SLCO3A1: variants seen among roughly 807,000 people sequenced by gnomAD.
SLCO3A1 encodes solute carrier organic anion transporter family member 3A1.
SLCO3A1 carries 27 observed loss-of-function variants against 63.1 expected under a neutral mutation model. That is an observed-to-expected ratio of 0.43 (90% confidence interval 0.32 to 0.59). SLCO3A1 has a LOEUF of 0.59. Among genes scored for constraint, SLCO3A1 ranks in the 20% least tolerant of loss-of-function variants. SLCO3A1 has a pLI of 0.09. For synonymous variants in SLCO3A1, 473 were observed against 409.9 expected, an observed-to-expected ratio of 1.15 and a Z score of -1.86; for missense variants, 773 against 945.8, an observed-to-expected ratio of 0.82 and a Z score of 2.40.
chr15:91,947,313 C>G (rs1899842875), intron 2 of SLCO3A1, among the ~76,000 whole-genome samples: 1 of 152,202 alleles, frequency 6.6e-6, no homozygotes, highest in African/African-American at 2.4e-5. Flanking sequence ...CTTTGAAATT[C>G]AGCTTGTGAA....
chr15:92,163,555 T>A lies in SLCO3A1; in HGVS notation c.*420T>A, dbSNP rs201988923. The A allele has an allele frequency of 2.8e-3, 1,527 of 552,428 alleles. 35 individuals are homozygous for A. In the Admixed American group the frequency reaches 0.23, roughly 82 times the overall value. 34.2% of individuals were successfully genotyped at this position (552,428 alleles called of 1,614,324 possible). On this transcript the variant is annotated 3_prime_UTR_variant, in exon 10 of 10. Coordinates refer to ENST00000318445, the MANE Select transcript of SLCO3A1 (RefSeq NM_013272.4). ...AAGAAGTTTCCTAAAATAAAAAAAATTAAAAAAAAAAAACCCACAAGTTGA... is the reference window on the plus strand; with the variant it reads ...AAGAAGTTTCCTAAAATAAAAAAAAATAAAAAAAAAAAACCCACAAGTTGA...
intron 1 of SLCO3A1, among the ~76,000 whole-genome samples, chr15:91,902,217 G>A (rs981093168): frequency 6.6e-6 from 1 of 151,952 alleles, no homozygotes; most frequent in East Asian, 1.9e-4. Flanking sequence ...TAAGAGACAA[G>A]AGTCTCACTC....
intron 2 of SLCO3A1, among the ~76,000 whole-genome samples, chr15:92,014,588 C>T (rs952772158): frequency 6.2e-4 from 95 of 152,282 alleles, no homozygotes; most frequent in African/African-American, 2.1e-3. Flanking sequence ...CTGCCCTCTC[C>T]TCCTTGTCAC....
chr15:92,018,909 A>G (rs908908362), intron 2 of SLCO3A1, among the ~76,000 whole-genome samples: 7 of 152,102 alleles, frequency 4.6e-5, no homozygotes, highest in Admixed American at 1.3e-4. Flanking sequence ...TGCCGCTACC[A>G]TCACTCCCCT....
At chr15:91,958,290 A>T (rs531865588) in intron 2 of SLCO3A1, among the ~76,000 whole-genome samples, 1 of 152,146 alleles carries the variant, frequency 6.6e-6, no homozygotes, top group East Asian at 1.9e-4. Context: ...GTTGGGGTGG[A>T]GGGTGACCCT....
Position 92,104,354 on chromosome 15 carries a change from T to C in SLCO3A1, c.821T>C (p.Leu274Ser). Reference protein sequence around the residue: ...WWGGFLLCGALLFFSSLLMFG... With the variant: ...WWGGFLLCGASLFFSSLLMFG... ...GGTGGCTTTCTGCTCTGCGGTGCCT[T>C]ACTCTTCTTCTCTTCCCTCTTGATG... is the stretch of plus-strand genomic sequence containing the variant. The change falls in exon 4 of 10, where the codon TTA (leucine) becomes TCA (serine). Residue 274 changes from leucine to serine, a missense_variant. Leu to Ser is a moderately radical substitution (Grantham distance 145). Coordinates refer to ENST00000318445, the MANE Select transcript of SLCO3A1 (RefSeq NM_013272.4). The C allele has an allele frequency of 6.2e-7, 1 of 1,614,174 alleles. No homozygotes were observed. The highest frequency in any genetic ancestry group is 1.3e-5 in the African/African-American group (1 of 75,034).
chr15:92,025,181 T>G (rs2046557065), intron 2 of SLCO3A1, among the ~76,000 whole-genome samples: 2 of 148,536 alleles, frequency 1.3e-5, no homozygotes, highest in Admixed American at 6.7e-5. Context: ...TTTTTTTTTT[T>G]GCTTTTAAAA....
chr15:92,097,640 C>G (rs1227510150), intron 3 of SLCO3A1, among the ~76,000 whole-genome samples: 5 of 152,174 alleles, frequency 3.3e-5, no homozygotes, highest in African/African-American at 4.8e-5. Context: ...ACAGGCTTCC[C>G]CACCAAGTTG....
rs117263239 is a variant in SLCO3A1, at chr15:92,057,291, G to A, written c.647-37590G>A. 1.3e-3 allele frequency among the ~76,000 whole-genome samples: 194 copies of A among 152,344 alleles called. 2 individuals are homozygous for A. In the East Asian group the frequency reaches 0.03, roughly 24 times the overall value. Reference sequence around the variant, plus strand: ...GGGCAGCCCTGCAGCCTGGCAGCCCGTCATTTCACTGAGCAAAGGGATCTC... The same window carrying A: ...GGGCAGCCCTGCAGCCTGGCAGCCCATCATTTCACTGAGCAAAGGGATCTC... On this transcript the variant is annotated intron_variant, in intron 2 of 9. Transcript: ENST00000318445.
chr15:91,967,052 A>C lies in SLCO3A1; in HGVS notation c.646+50594A>C, dbSNP rs1009830101. Among the ~76,000 whole-genome samples the C allele has an allele frequency of 6.6e-6, 1 of 152,100 alleles. No homozygotes were observed. The highest frequency in any genetic ancestry group is 2.4e-5 in the African/African-American group (1 of 41,422). On this transcript the variant is annotated intron_variant, in intron 2 of 9. Coordinates refer to ENST00000318445, the MANE Select transcript of SLCO3A1 (RefSeq NM_013272.4). This position sits in a 1 kb window ranked among gnomAD's most constrained non-coding sequence, Gnocchi z 4.4. The stretch of plus-strand genomic sequence containing the variant: ...ATTTGTATTTTTGAACTCTGCTTTC[A>C]GATAACTTTATAAAGGGCTTTAAAA...
chr15:92,072,170 C>G (rs973419505), intron 2 of SLCO3A1, among the ~76,000 whole-genome samples: 1 of 151,756 alleles, frequency 6.6e-6, no homozygotes, highest in Non-Finnish European at 1.5e-5. Flanking sequence ...AAATGCGAAG[C>G]CTGATAAGCG....
intron 1 of SLCO3A1, among the ~76,000 whole-genome samples, chr15:91,869,237 C>T (rs1050301270): frequency 6.6e-6 from 1 of 151,710 alleles, no homozygotes; most frequent in African/African-American, 2.4e-5. Context: ...CCTGTCTCTA[C>T]AAAAAATTTA....
rs1897313396 is a variant in SLCO3A1, at chr15:91,872,890, G to C, written c.180+18802G>C. On this transcript the variant is annotated intron_variant, in intron 1 of 9. Coordinates refer to ENST00000318445, the MANE Select transcript of SLCO3A1 (RefSeq NM_013272.4). This position sits in a 1 kb window ranked among gnomAD's most constrained non-coding sequence, Gnocchi z 4.1. Reference sequence around the variant, plus strand: ...TTAGGGCATGGTGGCGTCTGTAAGTGACAAGAGTGCTCTGAAAAAGACCTG... The same window carrying C: ...TTAGGGCATGGTGGCGTCTGTAAGTCACAAGAGTGCTCTGAAAAAGACCTG... Among the ~76,000 whole-genome samples, 1 of 152,188 alleles carries C rather than the reference G, an allele frequency of 6.6e-6. No homozygotes were observed. The highest frequency in any genetic ancestry group is 1.5e-5 in the Non-Finnish European group (1 of 68,038).
At chr15:91,878,650 C>G (rs1897466674) in intron 1 of SLCO3A1, among the ~76,000 whole-genome samples, 1 of 152,146 alleles carries the variant, frequency 6.6e-6, no homozygotes. Context: ...AAATCAGATT[C>G]TCATTTTATG....
At chr15:91,874,624 G>A (rs7164662) in intron 1 of SLCO3A1, among the ~76,000 whole-genome samples, 7,387 of 152,254 alleles carry the variant, frequency 0.049, 563 homozygotes, top group African/African-American at 0.17. Flanking sequence ...ACCACGTTTT[G>A]CTTATCCAGT....
chr15:92,022,891 C>G (rs1044132121), intron 2 of SLCO3A1, among the ~76,000 whole-genome samples: 1 of 152,066 alleles, frequency 6.6e-6, no homozygotes, highest in South Asian at 2.1e-4. Flanking sequence ...TACCTGCAGT[C>G]AGGGAGTCGT....
rs1900101971 is a variant in SLCO3A1, at chr15:91,954,444, G to C, written c.646+37986G>C. On this transcript the variant is annotated intron_variant, in intron 2 of 9. Transcript: ENST00000318445. This position sits in a 1 kb window ranked among gnomAD's most constrained non-coding sequence, Gnocchi z 4.7. ...AAGTCCTGCCCTCTGCAGTTTCCAG[G>C]GGCCCAACATTCAATAAATTGTTGC... is the stretch of plus-strand genomic sequence containing the variant. Among the ~76,000 whole-genome samples the C allele has an allele frequency of 6.6e-6, 1 of 152,168 alleles. No homozygotes were observed. The highest frequency in any genetic ancestry group is 2.1e-4 in the South Asian group (1 of 4,836).
chr15:91,956,977 G>C lies in SLCO3A1; in HGVS notation c.646+40519G>C, dbSNP rs6496882. On this transcript the variant is annotated intron_variant, in intron 2 of 9. Coordinates refer to ENST00000318445, the MANE Select transcript of SLCO3A1 (RefSeq NM_013272.4). ...TAATTTATTTATATATATATATATA[G>C]TATATATAATATATAGTATATATTA... 4.7e-3 allele frequency among the ~76,000 whole-genome samples: 42 copies of C among 8,960 alleles called. 3 individuals are homozygous for C. Among genetic ancestry groups the C allele is most frequent in the African/African-American group, 0.017 (18 of 1,088 alleles). The allele number at this position is 8,960 out of a possible 152,430, so 5.9% of individuals were successfully genotyped here.
chr15:92,165,024 A>AATAG lies in SLCO3A1; in HGVS notation c.*1890_*1891insTAGA, dbSNP rs2048481920. 1 of 985,202 alleles carries AATAG rather than the reference A, an allele frequency of 1.0e-6. No homozygotes were observed. The highest frequency in any genetic ancestry group is 1.2e-6 in the Non-Finnish European group (1 of 829,812). The allele number at this position is 985,202 out of a possible 1,614,324, so 61.0% of individuals were successfully genotyped here. A position where few individuals can be genotyped will look rare whatever the true frequency, so the allele number is the denominator to read the frequency against. On this transcript the variant is annotated 3_prime_UTR_variant, in exon 10 of 10. Transcript: ENST00000318445. ...TTTGCATTTTACCCACAAGGCAAAC[A>AATAG]AAAGAATCAGGAAGTAAAAAATGGT... is the stretch of plus-strand genomic sequence containing the variant.
Sources: gnomAD v4.1 joint callset for allele counts (sites outside exome capture counted in the v4.1 genomes callset) on GRCh38, gnomAD v4.1.1 for gene constraint, Gnocchi (gnomAD v3.1) non-coding constraint, MANE v1.5 for transcripts, NCBI Gene and HGNC (gene_info 2026-07-23, HGNC 2026-07-21) for gene names.